The following SPSB1 variants were observed in gnomAD, a reference collection of about 807,000 sequenced individuals.
The protein encoded by SPSB1 is splA/ryanodine receptor domain and SOCS box containing 1, also known as SPRY domain-containing SOCS box protein 1.
A neutral mutation model predicts 21.2 loss-of-function variants in SPSB1; 8 were observed. The observed-to-expected ratio is 0.38, with a 90% confidence interval of 0.22 to 0.68. The LOEUF is 0.68. Ranked by LOEUF, SPSB1 falls within the 30% of genes least tolerant of loss-of-function variation. The pLI is 0.53. For missense variants in SPSB1, 242 were observed against 377.8 expected, an observed-to-expected ratio of 0.64 and a Z score of 2.98; for synonymous variants, 169 against 161.7, an observed-to-expected ratio of 1.05 and a Z score of -0.34.
chr1:9,298,418 ATAAGTGAACGAATGAATGAATAAG>A (rs1639262224), intron 1 of SPSB1, among the ~76,000 whole-genome samples: 1 of 89,910 alleles, frequency 1.1e-5, no homozygotes. Context: ...GAATGAATGA[ATAAGTGAACGAATGAATGAATAAG>A]TGAATGAATA....
chr1:9,342,751 C>T (rs967181784), intron 1 of SPSB1, among the ~76,000 whole-genome samples: 2 of 152,248 alleles, frequency 1.3e-5, no homozygotes, highest in African/African-American at 4.8e-5. Context: ...ACTCCATCTA[C>T]AGGTGCTGTC....
In SPSB1 at chr1:9,302,292, T is replaced by C. The variant is rs371727652; in HGVS notation, c.-150+9221T>C. 7.9e-5 allele frequency among the ~76,000 whole-genome samples: 12 copies of C among 152,360 alleles called. No individual in the cohort carries two copies. The East Asian group carries it at 2.3e-3, about 29-fold the overall frequency. The stretch of plus-strand genomic sequence containing the variant: ...GAATACCCAGGTAGATGGTAAAGCA[T>C]TGATTATTCTCTATGCTTCAGTACA... On this transcript the variant is annotated intron_variant, in intron 1 of 2. Transcript: ENST00000328089.
chr1:9,350,235 C>T (rs914929758), intron 1 of SPSB1, among the ~76,000 whole-genome samples: 2 of 152,210 alleles, frequency 1.3e-5, no homozygotes, highest in Admixed American at 1.3e-4. Context: ...GACATTGGAC[C>T]CCTGCGTGTG....
intron 1 of SPSB1, among the ~76,000 whole-genome samples, chr1:9,337,274 G>A (rs1348874476): frequency 6.6e-6 from 1 of 152,100 alleles, no homozygotes; most frequent in Non-Finnish European, 1.5e-5. Context: ...CCCCCTCCAA[G>A]GCAGAGTGGA....
intron 2 of SPSB1, among the ~76,000 whole-genome samples, chr1:9,366,165 C>G (rs1194133658): frequency 1.3e-5 from 2 of 152,242 alleles, no homozygotes; most frequent in African/African-American, 4.8e-5. Flanking sequence ...GCTCTGTAAC[C>G]CTGGGGCCTG....
intron 2 of SPSB1, among the ~76,000 whole-genome samples, chr1:9,365,180 C>A (rs1193051797): frequency 6.6e-6 from 1 of 151,836 alleles, no homozygotes; most frequent in Non-Finnish European, 1.5e-5. Flanking sequence ...GAGACAAGGT[C>A]TCTGTTACGC....
At position 9,346,144 on chromosome 1, in the gene SPSB1, C is replaced by T. The variant is rs545624668; in HGVS notation, c.-149-9599C>T. 1.3e-5 allele frequency among the ~76,000 whole-genome samples: 2 copies of T among 152,368 alleles called. No homozygotes were observed. The highest frequency in any genetic ancestry group is 1.3e-4 in the Admixed American group (2 of 15,308). On this transcript the variant is annotated intron_variant, in intron 1 of 2. Transcript: ENST00000328089. This position sits in a 1 kb window ranked among gnomAD's most constrained non-coding sequence, Gnocchi z 4.4. Reference sequence around the variant, plus strand: ...TGATAAAATAGCAGATTGCTCGGGGCATGTTTCTCTTGCAAAATCCTGGGC... The same window carrying T: ...TGATAAAATAGCAGATTGCTCGGGGTATGTTTCTCTTGCAAAATCCTGGGC...
intron 1 of SPSB1, among the ~76,000 whole-genome samples, chr1:9,340,609 G>T (rs1031855555): frequency 5.9e-5 from 9 of 152,274 alleles, no homozygotes; most frequent in African/African-American, 2.2e-4. Context: ...GAAGATGGCA[G>T]CCTGTGGGGC....
chr1:9,299,511 C>T (rs1234553498), intron 1 of SPSB1, among the ~76,000 whole-genome samples: 1 of 151,846 alleles, frequency 6.6e-6, no homozygotes. Context: ...GGATTTTTTG[C>T]TCTTGTTGCC....
chr1:9,312,734 T>G (rs1639543787), intron 1 of SPSB1, among the ~76,000 whole-genome samples: 2 of 152,254 alleles, frequency 1.3e-5, no homozygotes, highest in Non-Finnish European at 2.9e-5. Context: ...TTGGTTTTCT[T>G]TGGGTTTTAT....
intron 2 of SPSB1, among the ~76,000 whole-genome samples, chr1:9,360,027 T>A (rs1640443916): frequency 6.6e-6 from 1 of 152,026 alleles, no homozygotes; most frequent in Non-Finnish European, 1.5e-5. Flanking sequence ...GGTGTTAAAT[T>A]TGAGACGCTT....
In SPSB1 at chr1:9,305,657, C is replaced by T. The variant is rs551619998; in HGVS notation, c.-150+12586C>T. ...TTCCGTTCTCAGACCAGACTTCCTT[C>T]CATGCCCCGTGGGAGGTCAGGAACT... is the stretch of plus-strand genomic sequence containing the variant. On this transcript the variant is annotated intron_variant, in intron 1 of 2. Coordinates refer to ENST00000328089, the MANE Select transcript of SPSB1 (RefSeq NM_025106.4). This position sits in a 1 kb window ranked among gnomAD's most constrained non-coding sequence, Gnocchi z 4.8. 1.2e-3 allele frequency among the ~76,000 whole-genome samples: 179 copies of T among 152,342 alleles called. No individual in the cohort carries two copies. The highest frequency in any genetic ancestry group is 6.8e-3 in the Middle Eastern group (2 of 294).
At position 9,367,856 on chromosome 1, in the gene SPSB1, G is replaced by A. The variant is rs923756848; in HGVS notation, c.*281G>A. ...AAAGACACAGAGAATAAACTCCTAC[G>A]AAAGCCCTACATTGAGCTCCAATCT... On this transcript the variant is annotated 3_prime_UTR_variant, in exon 3 of 3. Coordinates refer to ENST00000328089, the MANE Select transcript of SPSB1 (RefSeq NM_025106.4). The surrounding 1 kb of genome is among the most constrained non-coding windows in gnomAD (Gnocchi z 5.9). 6.7e-6 allele frequency: 3 copies of A among 448,244 alleles called. No individual in the cohort carries two copies. The highest frequency in any genetic ancestry group is 4.3e-5 in the East Asian group (1 of 23,512). 27.8% of individuals were successfully genotyped at this position (448,244 alleles called of 1,614,324 possible).
intron 1 of SPSB1, among the ~76,000 whole-genome samples, chr1:9,297,682 T>G (rs147204191): frequency 1.3e-5 from 2 of 152,318 alleles, no homozygotes; most frequent in Non-Finnish European, 2.9e-5. Flanking sequence ...GTTGGCTGAC[T>G]GGAACATGGA....
chr1:9,323,520 TG>T (rs1639759658), intron 1 of SPSB1, among the ~76,000 whole-genome samples: 1 of 152,164 alleles, frequency 6.6e-6, no homozygotes, highest in African/African-American at 2.4e-5. Context: ...GCTGCCCTCA[TG>T]GGGGTCTGGA....
intron 1 of SPSB1, among the ~76,000 whole-genome samples, chr1:9,307,215 A>G (rs1399575300): frequency 1.3e-5 from 2 of 152,218 alleles, no homozygotes; most frequent in South Asian, 2.1e-4. Flanking sequence ...GGCATGAGCC[A>G]CTGTGCCTGG....
At chr1:9,314,921 A>G (rs368165985) in intron 1 of SPSB1, among the ~76,000 whole-genome samples, 115 of 152,372 alleles carry the variant, frequency 7.5e-4, no homozygotes, top group African/African-American at 2.7e-3. Context: ...CATGTCCTGC[A>G]CACAGGAGTG....
chr1:9,326,259 C>A (rs1639813970), intron 1 of SPSB1, among the ~76,000 whole-genome samples: 1 of 152,092 alleles, frequency 6.6e-6, no homozygotes, highest in Non-Finnish European at 1.5e-5. Flanking sequence ...GCGTTTATTC[C>A]CAGCACCACC....
At chr1:9,308,261 G>A (rs1378706138) in intron 1 of SPSB1, among the ~76,000 whole-genome samples, 1 of 152,164 alleles carries the variant, frequency 6.6e-6, no homozygotes, top group Admixed American at 6.5e-5. Context: ...GCCCTGACTG[G>A]TGGCACCTAG....
Sources: gnomAD v4.1 joint callset for allele counts (sites outside exome capture counted in the v4.1 genomes callset) on GRCh38, gnomAD v4.1.1 for gene constraint, Gnocchi (gnomAD v3.1) non-coding constraint, MANE v1.5 for transcripts, NCBI Gene and HGNC (gene_info 2026-07-23, HGNC 2026-07-21) for gene names.